ATXN1: variants seen among roughly 807,000 people sequenced by gnomAD.
ATXN1 encodes the protein ataxin-1.
A neutral mutation model predicts 56.4 loss-of-function variants in ATXN1; 8 were observed. That is an observed-to-expected ratio of 0.14 (90% confidence interval 0.08 to 0.26). The LOEUF (loss-of-function observed/expected upper bound fraction) is 0.26. Ranked by LOEUF, ATXN1 falls within the 10% of genes least tolerant of loss-of-function variation. The pLI is 1.00. For missense variants in ATXN1, 987 were observed against 1,106.5 expected, an observed-to-expected ratio of 0.89 and a Z score of 1.53; for synonymous variants, 514 against 494.6, an observed-to-expected ratio of 1.04 and a Z score of -0.52.
chr6:16,316,163 T>C (rs1435700139), intron 7 of ATXN1, among the ~76,000 whole-genome samples: 7 of 152,188 alleles, frequency 4.6e-5, no homozygotes, highest in Non-Finnish European at 8.8e-5. Flanking sequence ...TATTGTAAAC[T>C]GCGCATGCAA....
chr6:16,693,524 G>A lies in ATXN1; in HGVS notation c.-614-35623C>T, dbSNP rs146009489. Among the ~76,000 whole-genome samples the A allele has an allele frequency of 6.8e-3, 1,039 of 152,294 alleles. 6 individuals carry two copies. Among genetic ancestry groups the A allele is most frequent in the Non-Finnish European group, 0.013 (851 of 68,026 alleles). On this transcript the variant is annotated intron_variant, in intron 2 of 7. Transcript: ENST00000436367. ...ATCTCTATTCCATTCTCTCCTGCCT[G>A]AGAATTTAATACTAAGCATCAGTTC...
chr6:16,584,410 GA>G, intron 4 of ATXN1, among the ~76,000 whole-genome samples: 1 of 151,466 alleles, frequency 6.6e-6, no homozygotes. Context: ...TTTAAGAAAT[GA>G]AAAATTATGC....
chr6:16,654,636 AT>A, intron 3 of ATXN1, among the ~76,000 whole-genome samples: 1 of 151,818 alleles, frequency 6.6e-6, no homozygotes, highest in African/African-American at 2.4e-5. Flanking sequence ...GACAGCCAGG[AT>A]TTGTGGTGAG....
chr6:16,661,166 G>A (rs1233427645), intron 2 of ATXN1, among the ~76,000 whole-genome samples: 1 of 151,994 alleles, frequency 6.6e-6, no homozygotes, highest in Non-Finnish European at 1.5e-5. Flanking sequence ...TCAATAAATA[G>A]TGCTGGGAAA....
At chr6:16,582,376 A>G (rs1216318482) in intron 4 of ATXN1, among the ~76,000 whole-genome samples, 1 of 152,186 alleles carries the variant, frequency 6.6e-6, no homozygotes, top group Non-Finnish European at 1.5e-5. Context: ...CTATACTGGG[A>G]CATAGCTGCC....
intron 2 of ATXN1, among the ~76,000 whole-genome samples, chr6:16,711,309 A>G (rs1304568854): frequency 6.6e-6 from 1 of 152,192 alleles, no homozygotes; most frequent in Non-Finnish European, 1.5e-5. Flanking sequence ...GAAATCTTCC[A>G]GGAGAAAACA....
chr6:16,653,754 G>C (rs1293069418), intron 3 of ATXN1, among the ~76,000 whole-genome samples: 1 of 152,180 alleles, frequency 6.6e-6, no homozygotes, highest in Non-Finnish European at 1.5e-5. Flanking sequence ...GTTTCTAAAG[G>C]TTCAGAGAAT....
At chr6:16,346,630 GAA>G (rs1311769128) in intron 6 of ATXN1, among the ~76,000 whole-genome samples, 1 of 152,198 alleles carries the variant, frequency 6.6e-6, no homozygotes, top group Non-Finnish European at 1.5e-5. Context: ...GTGACTTTAG[GAA>G]AGTCTTTCAA....
chr6:16,474,272 T>C (rs572638046), intron 6 of ATXN1, among the ~76,000 whole-genome samples: 52 of 152,236 alleles, frequency 3.4e-4, no homozygotes, highest in Non-Finnish European at 7.2e-4. Context: ...AGCAAGCATC[T>C]TGAAGCAGAG....
intron 4 of ATXN1, among the ~76,000 whole-genome samples, chr6:16,529,967 C>T (rs1315005058): frequency 1.3e-5 from 2 of 152,128 alleles, no homozygotes; most frequent in Non-Finnish European, 2.9e-5. Context: ...AAAAGGCATG[C>T]TTATTGAGTC....
At chr6:16,625,692 G>T (rs1763395304) in intron 3 of ATXN1, among the ~76,000 whole-genome samples, 1 of 152,020 alleles carries the variant, frequency 6.6e-6, no homozygotes, top group East Asian at 1.9e-4. Flanking sequence ...GTTCCGTATA[G>T]TAACCATGTT....
In ATXN1 at chr6:16,300,278, A is replaced by G. The variant is rs1177593246; in HGVS notation, c.*6051T>C. The G allele has an allele frequency of 1.3e-5, 2 of 152,638 alleles. No individual in the cohort carries two copies. Among genetic ancestry groups the G allele is most frequent in the Admixed American group, 6.5e-5 (1 of 15,274 alleles). 9.5% of individuals were successfully genotyped at this position (152,638 alleles called of 1,614,324 possible). On this transcript the variant is annotated 3_prime_UTR_variant, in exon 8 of 8. Coordinates refer to ENST00000436367, the MANE Select transcript of ATXN1 (RefSeq NM_001128164.2). ...TGTTGTTATTGTATAGATACTACCTATTGGCCAAATGCACTTAATTTTAAT... is the reference window on the plus strand; with the variant it reads ...TGTTGTTATTGTATAGATACTACCTGTTGGCCAAATGCACTTAATTTTAAT...
chr6:16,319,153 A>T (rs1760587182), intron 7 of ATXN1, among the ~76,000 whole-genome samples: 1 of 151,838 alleles, frequency 6.6e-6, no homozygotes, highest in African/African-American at 2.4e-5. Flanking sequence ...AGGAGGTCAA[A>T]GCTGCAGTGA....
chr6:16,753,213 G>A lies in ATXN1; in HGVS notation c.-615+20C>T, dbSNP rs1276452175. 2.2e-6 allele frequency: 1 copy of A among 456,464 alleles called. No individual in the cohort carries two copies. The highest frequency in any genetic ancestry group is 4.4e-6 in the Non-Finnish European group (1 of 226,948). The allele number at this position is 456,464 out of a possible 1,614,324, so 28.3% of individuals were successfully genotyped here. A position where few individuals can be genotyped will look rare whatever the true frequency, so the allele number is the denominator to read the frequency against. ...ACTTTATCCTCAGATGGAAAACAGA[G>A]AGCATCGCAAAACTCTCACCTGACA... On this transcript the variant is annotated intron_variant, in intron 2 of 7. Transcript: ENST00000436367.
At chr6:16,397,368 A>G (rs1758478805) in intron 6 of ATXN1, among the ~76,000 whole-genome samples, 1 of 151,948 alleles carries the variant, frequency 6.6e-6, no homozygotes, top group African/African-American at 2.4e-5. Context: ...CCTCCAAGTG[A>G]TTCTCCTGCT....
rs1038983880 is a variant in ATXN1 at position 16,353,662 on chromosome 6, A to C, written c.-160-25192T>G. Among the ~76,000 whole-genome samples the C allele has an allele frequency of 5.3e-5, 8 of 152,240 alleles. No homozygotes were observed. In the East Asian group the frequency reaches 1.3e-3, roughly 26 times the overall value. ...GCACTCCAGCCTGGACGACAGAGCA[A>C]GACCTTGTCTCAAAAAAAGCAAAAA... is the stretch of plus-strand genomic sequence containing the variant. On this transcript the variant is annotated intron_variant, in intron 6 of 7. Coordinates refer to ENST00000436367, the MANE Select transcript of ATXN1 (RefSeq NM_001128164.2).
At chr6:16,753,945 C>T (rs1760804348) in intron 1 of ATXN1, 1 of 152,280 alleles carries the variant, frequency 6.6e-6, no homozygotes, top group African/African-American at 2.4e-5. Flanking sequence ...TGCCACAATT[C>T]CTTGCACATG....
At chr6:16,509,478 G>A (rs552715452) in intron 5 of ATXN1, among the ~76,000 whole-genome samples, 8 of 152,288 alleles carry the variant, frequency 5.3e-5, no homozygotes, top group South Asian at 2.1e-4. Flanking sequence ...AAAAGCATTC[G>A]ATAGCTCATT....
chr6:16,413,535 T>C (rs1452886642), intron 6 of ATXN1, among the ~76,000 whole-genome samples: 1 of 152,150 alleles, frequency 6.6e-6, no homozygotes, highest in Non-Finnish European at 1.5e-5. Flanking sequence ...TGATATTGTG[T>C]GCAGCAAATG....
Sources: gnomAD v4.1 joint callset for allele counts (sites outside exome capture counted in the v4.1 genomes callset) on GRCh38, gnomAD v4.1.1 for gene constraint, MANE v1.5 for transcripts, NCBI Gene and HGNC (gene_info 2026-07-23, HGNC 2026-07-21) for gene names.